Variants in AKAP6 observed in about 807,000 individuals in gnomAD.
AKAP6 encodes A-kinase anchoring protein 6.
A neutral mutation model predicts 188.5 loss-of-function variants in AKAP6; 58 were observed. The observed-to-expected ratio is 0.31, with a 90% CI of 0.25 to 0.38. AKAP6 has a LOEUF of 0.38. Among genes scored for constraint, AKAP6 ranks in the 10% least tolerant of loss-of-function variants. AKAP6 has a pLI of 1.00. For missense variants in AKAP6, 2,710 were observed against 2,740.0 expected, an observed-to-expected ratio of 0.99 and a Z score of 0.24; for synonymous variants, 989 against 998.6, an observed-to-expected ratio of 0.99 and a Z score of 0.18.
chr14:32,471,966 A>T (rs1355965478), intron 2 of AKAP6, among the ~76,000 whole-genome samples: 2 of 152,294 alleles, frequency 1.3e-5, no homozygotes, highest in Middle Eastern at 3.4e-3. Context: ...GCACACAGAA[A>T]CCTAGTGGAT....
chr14:32,663,033 G>GT (rs1481372675), intron 7 of AKAP6, among the ~76,000 whole-genome samples: 2 of 151,926 alleles, frequency 1.3e-5, no homozygotes, highest in Non-Finnish European at 2.9e-5. Flanking sequence ...ATGGCGGCAT[G>GT]TTTTTTTCTC....
At chr14:32,492,195 C>G (rs1880050944) in intron 2 of AKAP6, among the ~76,000 whole-genome samples, 1 of 151,928 alleles carries the variant, frequency 6.6e-6, no homozygotes, top group Admixed American at 6.6e-5. Flanking sequence ...CTGGCTCTCT[C>G]TTACTTGGCC....
intron 1 of AKAP6, among the ~76,000 whole-genome samples, chr14:32,330,887 G>A (rs930647984): frequency 5.3e-5 from 8 of 151,926 alleles, no homozygotes; most frequent in Admixed American, 5.3e-4. Context: ...AGCTGTATAG[G>A]ATGGGAGAGG....
At chr14:32,375,301 C>T (rs1314672022) in intron 1 of AKAP6, among the ~76,000 whole-genome samples, 5 of 152,224 alleles carry the variant, frequency 3.3e-5, no homozygotes, top group African/African-American at 1.2e-4. Context: ...TGGAAGTACA[C>T]TACAACAGAA....
chr14:32,500,425 T>A (rs1014249345), intron 2 of AKAP6, among the ~76,000 whole-genome samples: 14 of 152,194 alleles, frequency 9.2e-5, no homozygotes, highest in Non-Finnish European at 1.5e-4. Flanking sequence ...AATACAATAG[T>A]GAACCAATGA....
At chr14:32,729,710 A>T (rs2031078004) in intron 9 of AKAP6, among the ~76,000 whole-genome samples, 1 of 152,098 alleles carries the variant, frequency 6.6e-6, no homozygotes, top group Non-Finnish European at 1.5e-5. Flanking sequence ...TTTATTTTTG[A>T]CTAGACAGAG....
intron 11 of AKAP6, among the ~76,000 whole-genome samples, chr14:32,751,789 C>T (rs1291997615): frequency 1.3e-5 from 2 of 152,102 alleles, no homozygotes; most frequent in African/African-American, 4.8e-5. Flanking sequence ...GTTTTCATTG[C>T]AATTTTTAAT....
intron 2 of AKAP6, among the ~76,000 whole-genome samples, chr14:32,498,043 C>T (rs886220975): frequency 4.6e-5 from 7 of 152,054 alleles, no homozygotes; most frequent in African/African-American, 1.7e-4. Flanking sequence ...TATTAAAATA[C>T]TTATTCGATT....
intron 12 of AKAP6, among the ~76,000 whole-genome samples, chr14:32,781,241 A>T (rs188258655): frequency 3.8e-4 from 58 of 152,110 alleles, no homozygotes; most frequent in African/African-American, 1.3e-3. Flanking sequence ...CAGTATCAGG[A>T]ATAAGAGACA....
chr14:32,535,914 C>A (rs1449957600), intron 3 of AKAP6, 109 bp downstream of exon 3: 2 of 1,455,932 alleles, frequency 1.4e-6, no homozygotes, highest in Non-Finnish European at 1.9e-6. Context: ...AATAAGCAGG[C>A]CCTGATGGGC....
intron 12 of AKAP6, among the ~76,000 whole-genome samples, chr14:32,784,290 G>T (rs978715750): frequency 1.3e-5 from 2 of 152,130 alleles, no homozygotes; most frequent in Admixed American, 6.5e-5. Context: ...ATGCTTCACA[G>T]AAACTCATGA....
intron 1 of AKAP6, among the ~76,000 whole-genome samples, chr14:32,371,657 A>G (rs533122552): frequency 6.6e-6 from 1 of 152,302 alleles, no homozygotes; most frequent in South Asian, 2.1e-4. Context: ...GTAGAGGGAA[A>G]AATCATGGGG....
intron 2 of AKAP6, among the ~76,000 whole-genome samples, chr14:32,507,032 ATAAAT>A (rs1357668151): frequency 6.6e-6 from 1 of 152,180 alleles, no homozygotes; most frequent in African/African-American, 2.4e-5. Context: ...CTAGCATAAG[ATAAAT>A]TAAATATATT....
intron 2 of AKAP6, among the ~76,000 whole-genome samples, chr14:32,486,846 A>G (rs1271534011): frequency 2.0e-5 from 3 of 152,234 alleles, no homozygotes; most frequent in Non-Finnish European, 2.9e-5. Flanking sequence ...AGAACTTCCA[A>G]CGCTATGTTG....
intron 11 of AKAP6, among the ~76,000 whole-genome samples, chr14:32,743,817 C>T (rs537663942): frequency 1.3e-5 from 2 of 152,140 alleles, no homozygotes; most frequent in Non-Finnish European, 2.9e-5. Flanking sequence ...AGTTTACATA[C>T]CACAGTTGCA....
intron 7 of AKAP6, among the ~76,000 whole-genome samples, chr14:32,632,066 G>A (rs566404449): frequency 6.6e-6 from 1 of 152,046 alleles, no homozygotes; most frequent in African/African-American, 2.4e-5. Context: ...TTGGTGTTTT[G>A]TTTGTCTGTT....
At chr14:32,803,575 A>AT (rs1170033491) in intron 12 of AKAP6, among the ~76,000 whole-genome samples, 11 of 151,604 alleles carry the variant, frequency 7.3e-5, no homozygotes, top group Non-Finnish European at 1.5e-4. Flanking sequence ...GACTACTCTT[A>AT]TTTTTTTTCG....
At chr14:32,400,547 T>C (rs1889049390) in intron 1 of AKAP6, among the ~76,000 whole-genome samples, 1 of 47,748 alleles carries the variant, frequency 2.1e-5, no homozygotes, top group Non-Finnish European at 5.9e-5. Context: ...TTTCAAGATA[T>C]TTAGTCCACT....
chr14:32,642,226 A>G (rs762070512), intron 7 of AKAP6, among the ~76,000 whole-genome samples: 2 of 152,222 alleles, frequency 1.3e-5, no homozygotes, highest in African/African-American at 2.4e-5. Flanking sequence ...AATGTGAAAA[A>G]TTATACCAAA....
Sources: allele counts gnomAD v4.1 joint callset (sites outside exome capture counted in the v4.1 genomes callset), GRCh38; gene constraint gnomAD v4.1.1; transcripts MANE v1.5; gene names NCBI Gene and HGNC (gene_info 2026-07-23, HGNC 2026-07-21).